Variants in QTGAL observed in about 807,000 individuals in gnomAD.
QTGAL encodes queuosine-tRNA galactosyltransferase.
At chr17:83,005,256 G>C in the QTGAL span, 27 of 1,450,328 alleles carry the variant, frequency 1.9e-5, no homozygotes, top group South Asian at 3.6e-5. This position sits in a 1 kb window ranked among gnomAD's most constrained non-coding sequence, Gnocchi z 5.6. Flanking sequence ...AGTCAGGTAC[G>C]CAGGTGCATG....
At chr17:82,959,727 G>A in the QTGAL span, among the ~76,000 whole-genome samples, 9 of 152,076 alleles carry the variant, frequency 5.9e-5, no homozygotes, top group African/African-American at 1.4e-4. Flanking sequence ...TGGGTGGCAC[G>A]CGAGGTTTGG....
At chr17:82,956,919 G>C in the QTGAL span, 1 of 1,058,764 alleles carries the variant, frequency 9.4e-7, no homozygotes, top group African/African-American at 1.6e-5. This position sits in a 1 kb window ranked among gnomAD's most constrained non-coding sequence, Gnocchi z 5.7. Flanking sequence ...ACTGCGGCAG[G>C]TGTTCAGAGC....
chr17:83,025,163 C>T, the QTGAL span, among the ~76,000 whole-genome samples: 2 of 100,256 alleles, frequency 2.0e-5, no homozygotes, highest in African/African-American at 3.0e-5. Flanking sequence ...ACACAGACAC[C>T]GCGGAGTCCA....
the QTGAL span, among the ~76,000 whole-genome samples, chr17:82,983,607 T>C: frequency 5.9e-5 from 9 of 152,178 alleles, no homozygotes; most frequent in South Asian, 6.2e-4. Flanking sequence ...GTTCAGATGC[T>C]GGGGGAAGGA....
At chr17:82,970,634 ACCTCCGCACCCGGTGTGGCCG>A in the QTGAL span, among the ~76,000 whole-genome samples, 1 of 101,282 alleles carries the variant, frequency 9.9e-6, no homozygotes, top group Non-Finnish European at 2.0e-5. Context: ...CGTGGCCGCG[ACCTCCGCACCCGGTGTGGCCG>A]CGACCTCCGC....
the QTGAL span, chr17:82,956,586 G>T: frequency 8.0e-7 from 1 of 1,247,632 alleles, no homozygotes; most frequent in Non-Finnish European, 1.1e-6. This position sits in a 1 kb window ranked among gnomAD's most constrained non-coding sequence, Gnocchi z 5.7. Context: ...CCCACCATCG[G>T]CTGGGGTCTC....
At chr17:82,996,109 G>A in the QTGAL span, among the ~76,000 whole-genome samples, 1 of 152,200 alleles carries the variant, frequency 6.6e-6, no homozygotes, top group Non-Finnish European at 1.5e-5. Context: ...CAAAAAAATG[G>A]AAAGATATTC....
chr17:82,972,467 C>T, the QTGAL span, among the ~76,000 whole-genome samples: 3 of 131,920 alleles, frequency 2.3e-5, no homozygotes, highest in Admixed American at 7.5e-5. Flanking sequence ...GACCACACCA[C>T]ACCACAGGGG....
At chr17:82,969,544 G>A in the QTGAL span, among the ~76,000 whole-genome samples, 5 of 152,194 alleles carry the variant, frequency 3.3e-5, no homozygotes, top group Non-Finnish European at 5.9e-5. Flanking sequence ...GGTGGTGCAC[G>A]CGCCAGTGGT....
chr17:83,022,049 A>G, the QTGAL span, among the ~76,000 whole-genome samples: 1 of 152,256 alleles, frequency 6.6e-6, no homozygotes, highest in Non-Finnish European at 1.5e-5. Context: ...TGAACCTGAA[A>G]TGAACCAGAG....
chr17:83,040,150 A>G, the QTGAL span, among the ~76,000 whole-genome samples: 1 of 152,158 alleles, frequency 6.6e-6, no homozygotes, highest in African/African-American at 2.4e-5. Flanking sequence ...TAAAATCCCA[A>G]TGCCCACGCT....
chr17:83,035,205 G>A, the QTGAL span: 201 of 955,720 alleles, frequency 2.1e-4, 3 homozygotes, highest in South Asian at 3.1e-3. Context: ...TCGAGATGGA[G>A]TTTCCCTCTT....
the QTGAL span, among the ~76,000 whole-genome samples, chr17:83,004,683 C>T: frequency 8.8e-5 from 13 of 147,902 alleles, no homozygotes; most frequent in East Asian, 1.4e-3. Flanking sequence ...CTCCGCAGTC[C>T]GCGTGTGGGA....
At chr17:82,960,123 C>T in the QTGAL span, among the ~76,000 whole-genome samples, 15 of 152,280 alleles carry the variant, frequency 9.9e-5, no homozygotes, top group South Asian at 1.2e-3. Context: ...GGGAGAGGAG[C>T]GCGGACGCGG....
At chr17:82,969,252 C>T in the QTGAL span, among the ~76,000 whole-genome samples, 35,663 of 151,988 alleles carry the variant, frequency 0.23, 4,819 homozygotes, top group East Asian at 0.41. Flanking sequence ...CTCTGCCTCC[C>T]GCATTCAAGC....
At chr17:83,009,063 C>T in the QTGAL span, among the ~76,000 whole-genome samples, 2 of 152,166 alleles carry the variant, frequency 1.3e-5, no homozygotes, top group Non-Finnish European at 2.9e-5. Context: ...CAAGTGAACC[C>T]ATCACACAGA....
chr17:82,977,443 G>A, the QTGAL span, among the ~76,000 whole-genome samples: 2 of 152,064 alleles, frequency 1.3e-5, no homozygotes, highest in Non-Finnish European at 2.9e-5. Flanking sequence ...GGTGAGTACC[G>A]TTATGTGACA....
chr17:83,029,614 T>TG, the QTGAL span, among the ~76,000 whole-genome samples: 1 of 152,014 alleles, frequency 6.6e-6, no homozygotes, highest in Non-Finnish European at 1.5e-5. Flanking sequence ...GAAGTCAGGC[T>TG]GGGGGGAGCC....
At chr17:82,942,800 C>A in the QTGAL span, 1 of 420,294 alleles carries the variant, frequency 2.4e-6, no homozygotes, top group Non-Finnish European at 4.3e-6. Context: ...CTGCACTCCT[C>A]CTGCCTGGAG....
Sources: allele counts gnomAD v4.1 joint callset (sites outside exome capture counted in the v4.1 genomes callset), GRCh38; gene constraint gnomAD v4.1.1; non-coding constraint Gnocchi (gnomAD v3.1); transcripts MANE v1.5; gene names NCBI Gene and HGNC (gene_info 2026-07-23, HGNC 2026-07-21).